Variants in UBE2V1 observed in about 807,000 individuals in gnomAD.
The protein encoded by UBE2V1 is ubiquitin conjugating enzyme E2 V1, also known as ubiquitin-conjugating enzyme E2 variant 1.
UBE2V1 carries 15 observed loss-of-function variants against 19.6 expected under a neutral mutation model. That is an observed-to-expected ratio of 0.77 (90% CI 0.51 to 1.18). The LOEUF is 1.18. Among genes scored for constraint, UBE2V1 ranks in the 50% most tolerant of loss-of-function variants. The probability of loss-of-function intolerance (pLI) is 0.00; values close to 1 mark genes in which losing one functional copy is unlikely to be tolerated. For missense variants in UBE2V1, 125 were observed against 184.8 expected (o/e 0.68, Z 1.88); for synonymous variants, 60 against 60.7 (o/e 0.99, Z 0.05).
chr20:50,106,032 A>G (rs1223154853), intron 1 of UBE2V1, among the ~76,000 whole-genome samples: 1 of 152,244 alleles, frequency 6.6e-6, no homozygotes. Flanking sequence ...GCTAGGAAGT[A>G]CACTAGGAAA....
intron 2 of UBE2V1, among the ~76,000 whole-genome samples, chr20:50,088,587 A>T (rs2079052667): frequency 6.6e-6 from 1 of 152,176 alleles, no homozygotes; most frequent in Non-Finnish European, 1.5e-5. Context: ...GGAGTTCAAG[A>T]CCAGCCTGGG....
intron 1 of UBE2V1, chr20:50,099,043 G>C (rs574596023): frequency 1.7e-5 from 15 of 897,886 alleles, no homozygotes; most frequent in African/African-American, 1.8e-5. Flanking sequence ...GTTCAGAAAG[G>C]GTTCAATCTA....
At chr20:50,111,249 C>T (rs2080732098) in intron 1 of UBE2V1, 1 of 985,598 alleles carries the variant, frequency 1.0e-6, no homozygotes, top group East Asian at 1.1e-4. Context: ...CAGCAGCTGA[C>T]ATTTTATCTG....
At chr20:50,104,211 G>A (rs2080199766) in intron 1 of UBE2V1, among the ~76,000 whole-genome samples, 1 of 150,592 alleles carries the variant, frequency 6.6e-6, no homozygotes, top group African/African-American at 2.5e-5. Context: ...GAACCTGGGA[G>A]GCGGAGGTTA....
intron 1 of UBE2V1, among the ~76,000 whole-genome samples, chr20:50,101,465 C>T (rs1275710776): frequency 7.6e-6 from 1 of 131,716 alleles, no homozygotes; most frequent in Non-Finnish European, 1.5e-5. Context: ...GTTCCCTAGG[C>T]TGGAGTGCAA....
chr20:50,100,110 TAAAC>T (rs1412364716), intron 1 of UBE2V1, among the ~76,000 whole-genome samples: 1 of 149,616 alleles, frequency 6.7e-6, no homozygotes, highest in Non-Finnish European at 1.5e-5. Flanking sequence ...AAACCAAAAA[TAAAC>T]AAAAAATAAT....
intron 1 of UBE2V1, among the ~76,000 whole-genome samples, chr20:50,097,065 A>ATCT (rs2079672449): frequency 2.0e-5 from 3 of 152,220 alleles, no homozygotes; most frequent in Non-Finnish European, 4.4e-5. Context: ...AAACTTAGAA[A>ATCT]GATACCCCAC....
intron 1 of UBE2V1, among the ~76,000 whole-genome samples, chr20:50,101,727 A>G (rs2080013513): frequency 6.6e-6 from 1 of 152,182 alleles, no homozygotes; most frequent in Non-Finnish European, 1.5e-5. Context: ...ATAGTTATCC[A>G]ATACCTATCC....
intron 2 of UBE2V1, among the ~76,000 whole-genome samples, chr20:50,090,825 A>G (rs917608699): frequency 1.6e-4 from 25 of 152,234 alleles, no homozygotes; most frequent in African/African-American, 6.0e-4. Context: ...AGGTAGCTAC[A>G]CGTGGTGATG....
intron 1 of UBE2V1, chr20:50,109,034 G>A (rs916921196): frequency 1.3e-5 from 13 of 985,300 alleles, no homozygotes; most frequent in African/African-American, 3.5e-5. Flanking sequence ...GCTCTAGTCC[G>A]AGCATCACCA....
intron 2 of UBE2V1, among the ~76,000 whole-genome samples, chr20:50,084,902 T>TC (rs1419448558): frequency 1.3e-4 from 13 of 97,580 alleles, no homozygotes; most frequent in Non-Finnish European, 4.2e-5. Context: ...TTTTTTTTTT[T>TC]TTTTTTTTTT....
At chr20:50,088,456 G>A (rs891908424) in intron 2 of UBE2V1, among the ~76,000 whole-genome samples, 1 of 152,158 alleles carries the variant, frequency 6.6e-6, no homozygotes, top group African/African-American at 2.4e-5. Flanking sequence ...TTTTCTATAA[G>A]CCTGTAAGTA....
intron 1 of UBE2V1, among the ~76,000 whole-genome samples, chr20:50,112,161 G>A (rs1038228457): frequency 6.6e-6 from 1 of 152,170 alleles, no homozygotes; most frequent in African/African-American, 2.4e-5. Context: ...TTCAAAAAGA[G>A]GAGACTTTTC....
At chr20:50,096,601 G>T in intron 2 of UBE2V1, 71 bp downstream of exon 2, 1 of 1,607,280 alleles carries the variant, frequency 6.2e-7, no homozygotes, top group Non-Finnish European at 8.5e-7. Context: ...CCGTGATAAG[G>T]CTAATATTTT....
intron 1 of UBE2V1, among the ~76,000 whole-genome samples, chr20:50,112,341 C>A (rs924614315): frequency 2.0e-5 from 3 of 152,160 alleles, no homozygotes; most frequent in Non-Finnish European, 2.9e-5. Context: ...CGGACCTTGT[C>A]CCCTGAAACC....
chr20:50,110,205 T>C (rs2080664293), intron 1 of UBE2V1, among the ~76,000 whole-genome samples: 1 of 152,228 alleles, frequency 6.6e-6, no homozygotes, highest in East Asian at 1.9e-4. Context: ...GGGCCACTAT[T>C]TGATGTGCTG....
At chr20:50,111,212 T>A in intron 1 of UBE2V1, 1 of 978,732 alleles carries the variant, frequency 1.0e-6, no homozygotes. Context: ...ATCTAAACCA[T>A]GCCAAGTGCT....
chr20:50,093,566 G>A (rs996809285), intron 2 of UBE2V1, among the ~76,000 whole-genome samples: 3 of 152,130 alleles, frequency 2.0e-5, no homozygotes, highest in East Asian at 1.9e-4. Context: ...GGGAACTTTC[G>A]GGCATTGCTA....
chr20:50,106,874 C>CAACAACA lies in UBE2V1; in HGVS notation c.22+6232_22+6233insTGTTGTT, dbSNP rs530425666. Among the ~76,000 whole-genome samples, 383 of 124,676 alleles carry CAACAACA rather than the reference C, an allele frequency of 3.1e-3. 1 individual carries two copies. Among genetic ancestry groups the CAACAACA allele is most frequent in the African/African-American group, 0.011 (355 of 31,652 alleles). 81.8% of individuals were successfully genotyped at this position (124,676 alleles called of 152,430 possible). On this transcript the variant is annotated intron_variant, in intron 1 of 3. Coordinates refer to ENST00000371674, the MANE Select transcript of UBE2V1 (RefSeq NM_001032288.3). Reference sequence around the variant, plus strand: ...ACAACAACAACAACAACAACAACAACAAAAAAAAAAAAACAAAAAAAAGGT... The same window carrying CAACAACA: ...ACAACAACAACAACAACAACAACAACAACAACAAAAAAAAAAAAAACAAAAAAAAGGT...
Sources: gnomAD v4.1 joint callset for allele counts (sites outside exome capture counted in the v4.1 genomes callset) on GRCh38, gnomAD v4.1.1 for gene constraint, MANE v1.5 for transcripts, NCBI Gene and HGNC (gene_info 2026-07-23, HGNC 2026-07-21) for gene names.